The following C17orf67 variants were observed in gnomAD, a reference collection of about 807,000 sequenced individuals.
The protein encoded by C17orf67 is uncharacterized protein C17orf67.
A neutral mutation model predicts 11.2 loss-of-function variants in C17orf67; 12 were observed. The observed-to-expected ratio is 1.07, with a 90% CI of 0.68 to 1.73. The LOEUF is 1.73. C17orf67 is among the 40% of genes most tolerant of loss of function. C17orf67 has a pLI of 0.00. For synonymous variants in C17orf67, 59 were observed against 46.9 expected (o/e 1.26, Z -1.05); for missense variants, 115 against 113.5 (o/e 1.01, Z -0.06).
chr17:56,804,854 T>G (rs1041659570), intron 6 of C17orf67, among the ~76,000 whole-genome samples: 2 of 150,300 alleles, frequency 1.3e-5, no homozygotes, highest in African/African-American at 2.5e-5. Flanking sequence ...AAACAACCTC[T>G]TTCCTAAAAT....
chr17:56,827,146 A>T (rs980778311), intron 2 of C17orf67, among the ~76,000 whole-genome samples: 2 of 152,234 alleles, frequency 1.3e-5, no homozygotes, highest in Non-Finnish European at 2.9e-5. Flanking sequence ...GCATCCCAAC[A>T]TTCAAAACTG....
intron 6 of C17orf67, among the ~76,000 whole-genome samples, chr17:56,795,852 CA>C (rs1286089061): frequency 6.6e-6 from 1 of 152,142 alleles, no homozygotes; most frequent in African/African-American, 2.4e-5. Flanking sequence ...CTATATACAA[CA>C]ACATAGATGG....
Position 56,815,899 on chromosome 17 carries a change from G to C in C17orf67, c.-89C>G, listed in dbSNP as rs759302090. ...GGAAGCCATGCCAGGCCCTGCGCTT[G>C]TTTATGCTTTGACTAACGGGACTTA... On this transcript the variant is annotated 5_prime_UTR_variant, in exon 5 of 8. Transcript: ENST00000397861. 2 of 1,600,182 alleles carry C rather than the reference G, an allele frequency of 1.2e-6. No individual in the cohort carries two copies. The highest frequency in any genetic ancestry group is 2.2e-5 in the South Asian group (2 of 90,616).
intron 2 of C17orf67, among the ~76,000 whole-genome samples, chr17:56,832,653 TG>T (rs1256046473): frequency 6.6e-6 from 1 of 152,202 alleles, no homozygotes; most frequent in Non-Finnish European, 1.5e-5. Flanking sequence ...TTCACTTTCC[TG>T]ACTACTGAGT....
intron 4 of C17orf67, among the ~76,000 whole-genome samples, chr17:56,820,517 A>G (rs563415143): frequency 1.3e-5 from 2 of 152,288 alleles, no homozygotes; most frequent in African/African-American, 4.8e-5. Flanking sequence ...ATGTGGGAAG[A>G]AACCGAAGTA....
chr17:56,795,424 GACA>G (rs1905194285), intron 6 of C17orf67: 2 of 510,954 alleles, frequency 3.9e-6, no homozygotes, highest in Non-Finnish European at 7.1e-6. Context: ...GAAAACATGG[GACA>G]ACAACTTCAG....
At chr17:56,825,548 T>C (rs1416407962) in intron 2 of C17orf67, among the ~76,000 whole-genome samples, 1 of 152,210 alleles carries the variant, frequency 6.6e-6, no homozygotes, top group African/African-American at 2.4e-5. Context: ...CCTTAAACTT[T>C]TCAAATTCTT....
chr17:56,813,961 T>G (rs1320707738), intron 6 of C17orf67, among the ~76,000 whole-genome samples: 1 of 152,198 alleles, frequency 6.6e-6, no homozygotes, highest in African/African-American at 2.4e-5. Flanking sequence ...AAACCCAGTC[T>G]GACCCCAAAG....
intron 6 of C17orf67, among the ~76,000 whole-genome samples, chr17:56,795,446 T>TA (rs1905194847): frequency 6.6e-6 from 1 of 152,226 alleles, no homozygotes; most frequent in African/African-American, 2.4e-5. Flanking sequence ...AGAAAACATC[T>TA]GATTGCCTGC....
At chr17:56,823,058 C>T (rs1450336119) in intron 4 of C17orf67, among the ~76,000 whole-genome samples, 1 of 152,214 alleles carries the variant, frequency 6.6e-6, no homozygotes, top group Non-Finnish European at 1.5e-5. Context: ...GACAAAGGAG[C>T]ATTGGCACAG....
At chr17:56,794,608 G>C (rs1369702466) in intron 7 of C17orf67, among the ~76,000 whole-genome samples, 1 of 152,198 alleles carries the variant, frequency 6.6e-6, no homozygotes, top group Non-Finnish European at 1.5e-5. Context: ...CAGGAAGGCA[G>C]TAGGGAACAG....
intron 2 of C17orf67, among the ~76,000 whole-genome samples, chr17:56,831,223 T>G (rs916372224): frequency 2.6e-5 from 4 of 151,744 alleles, no homozygotes; most frequent in African/African-American, 9.7e-5. Context: ...GATGGAGAGA[T>G]GGGCTCGAGT....
intron 2 of C17orf67, among the ~76,000 whole-genome samples, chr17:56,829,110 T>C (rs1567802050): frequency 6.6e-6 from 1 of 152,020 alleles, no homozygotes; most frequent in Non-Finnish European, 1.5e-5. Context: ...AACCCATCTC[T>C]ACTAACAATA....
chr17:56,814,764 C>A (rs1017498475), intron 6 of C17orf67, 105 bp downstream of exon 6: 2 of 1,093,806 alleles, frequency 1.8e-6, no homozygotes, highest in Non-Finnish European at 2.8e-6. Flanking sequence ...AAACTCTAAC[C>A]AAACCCCTAA....
intron 6 of C17orf67, among the ~76,000 whole-genome samples, chr17:56,795,974 T>C (rs546707874): frequency 1.3e-5 from 2 of 152,372 alleles, no homozygotes; most frequent in African/African-American, 2.4e-5. Flanking sequence ...ATATTACTTA[T>C]GGCTATATGC....
chr17:56,827,837 G>A (rs529523415), intron 2 of C17orf67, among the ~76,000 whole-genome samples: 38 of 152,326 alleles, frequency 2.5e-4, no homozygotes, highest in African/African-American at 7.7e-4. Context: ...AATGGACTCC[G>A]TGTAACGTGG....
At chr17:56,798,803 A>T (rs1460724695) in intron 6 of C17orf67, among the ~76,000 whole-genome samples, 1 of 152,202 alleles carries the variant, frequency 6.6e-6, no homozygotes, top group African/African-American at 2.4e-5. Context: ...ATGGCACTCC[A>T]GCCCTCGGAG....
chr17:56,828,406 CA>C (rs920736085), intron 2 of C17orf67, among the ~76,000 whole-genome samples: 91 of 144,926 alleles, frequency 6.3e-4, no homozygotes, highest in Admixed American at 1.2e-3. Context: ...ACTCTTGTCT[CA>C]AAAAAAAAAA....
At chr17:56,794,177 T>C (rs952632187) in intron 7 of C17orf67, among the ~76,000 whole-genome samples, 1 of 152,220 alleles carries the variant, frequency 6.6e-6, no homozygotes, top group African/African-American at 2.4e-5. Context: ...AAGAGGATCA[T>C]GTGAGGCAAT....
Sources: gnomAD v4.1 joint callset for allele counts (sites outside exome capture counted in the v4.1 genomes callset) on GRCh38, gnomAD v4.1.1 for gene constraint, MANE v1.5 for transcripts, NCBI Gene and HGNC (gene_info 2026-07-23, HGNC 2026-07-21) for gene names.